Variants in LRCH1 observed in about 807,000 individuals in gnomAD.
LRCH1 encodes the protein leucine rich repeats and calponin homology domain containing 1.
In LRCH1, 23 loss-of-function variants were observed where a neutral mutation model predicts 94.9. The ratio of observed to expected loss-of-function variants is 0.24; its 90% CI spans 0.17 to 0.34. The LOEUF (loss-of-function observed/expected upper bound fraction) is 0.34, where lower values mean the gene tolerates loss of function less well. LRCH1 is among the 10% of genes least tolerant of loss of function. The pLI is 1.00. For missense variants in LRCH1, 790 were observed against 945.9 expected, an observed-to-expected ratio of 0.84 and a Z score of 2.16; for synonymous variants, 364 against 354.9, an observed-to-expected ratio of 1.03 and a Z score of -0.29.
chr13:46,555,790 G>A (rs1363242082), intron 1 of LRCH1, among the ~76,000 whole-genome samples: 1 of 152,208 alleles, frequency 6.6e-6, no homozygotes, highest in Non-Finnish European at 1.5e-5. Context: ...CATGAAATTA[G>A]AATACCCAAA....
rs1490350491 is a variant in LRCH1 at position 46,744,812 on chromosome 13, A to G, written c.*2964A>G. The G allele has an allele frequency of 3.1e-6, 3 of 983,582 alleles. No homozygotes were observed. Among genetic ancestry groups the G allele is most frequent in the Non-Finnish European group, 3.6e-6 (3 of 828,380 alleles). The allele number at this position is 983,582 out of a possible 1,614,324, so 60.9% of individuals were successfully genotyped here. A position where few individuals can be genotyped will look rare whatever the true frequency, so the allele number is the denominator to read the frequency against. ...TGGATTAGGTGAAAAATACTTTAAT[A>G]TGATTTTATTTCAGGAGACTTGATT... On this transcript the variant is annotated 3_prime_UTR_variant, in exon 20 of 20. Transcript: ENST00000389797.
chr13:46,707,716 A>T (rs866094508), intron 13 of LRCH1, among the ~76,000 whole-genome samples: 1 of 152,140 alleles, frequency 6.6e-6, no homozygotes, highest in South Asian at 2.1e-4. Context: ...ATATTCCTGA[A>T]TTTTTTTTAA....
chr13:46,700,933 C>T (rs1031614400), intron 10 of LRCH1, among the ~76,000 whole-genome samples, 188 bp from the exon 11 acceptor site: 3 of 152,216 alleles, frequency 2.0e-5, no homozygotes, highest in African/African-American at 4.8e-5. Context: ...TTCCCCTACT[C>T]GGGCTCTTCC....
At chr13:46,584,026 G>A (rs934514029) in intron 1 of LRCH1, among the ~76,000 whole-genome samples, 7 of 140,318 alleles carry the variant, frequency 5.0e-5, no homozygotes, top group African/African-American at 1.5e-4. Flanking sequence ...ATATTTTCTC[G>A]ATATGTTTTA....
chr13:46,644,240 T>C (rs1375838548), intron 1 of LRCH1, among the ~76,000 whole-genome samples: 2 of 152,214 alleles, frequency 1.3e-5, no homozygotes, highest in African/African-American at 4.8e-5. Context: ...CATGCTTGAA[T>C]TGGTCAATGC....
At chr13:46,749,021 G>A (rs1488268475), downstream of LRCH1, among the ~76,000 whole-genome samples, 3 of 152,126 alleles carry the variant, frequency 2.0e-5, no homozygotes, top group Non-Finnish European at 4.4e-5. Flanking sequence ...CTGTGTCTCC[G>A]GTAATTTTTG....
At chr13:46,613,260 C>T (rs533123164) in intron 1 of LRCH1, among the ~76,000 whole-genome samples, 82 of 152,020 alleles carry the variant, frequency 5.4e-4, no homozygotes, top group African/African-American at 1.9e-3. Flanking sequence ...CGTGGTGGCA[C>T]GTGCCTGTAG....
intron 2 of LRCH1, among the ~76,000 whole-genome samples, chr13:46,664,044 T>C (rs1056427565): frequency 6.6e-6 from 1 of 152,216 alleles, no homozygotes; most frequent in African/African-American, 2.4e-5. Flanking sequence ...TTATATGTTG[T>C]AGTCTTGGTT....
At chr13:46,705,244 T>TG in intron 12 of LRCH1, 24 bp from the exon 13 acceptor site, 2 of 1,602,872 alleles carry the variant, frequency 1.2e-6, no homozygotes, top group South Asian at 1.1e-5. Flanking sequence ...TTGTATCTTT[T>TG]TTTTTCTTTC....
chr13:46,631,659 T>C (rs2051018895), intron 1 of LRCH1, among the ~76,000 whole-genome samples: 1 of 152,090 alleles, frequency 6.6e-6, no homozygotes, highest in Non-Finnish European at 1.5e-5. Flanking sequence ...GTATAGGGAG[T>C]CATGTTTGGA....
intron 11 of LRCH1, among the ~76,000 whole-genome samples, chr13:46,704,820 A>G (rs780965861): frequency 3.9e-5 from 6 of 152,082 alleles, no homozygotes; most frequent in Non-Finnish European, 7.4e-5. Context: ...TGATTTTATT[A>G]GAAATTACTA....
rs2050174081 is a variant in LRCH1 at position 46,565,623 on chromosome 13, C to A, written c.307+11920C>A. On this transcript the variant is annotated intron_variant, in intron 1 of 19. Coordinates refer to ENST00000389797, the MANE Select transcript of LRCH1 (RefSeq NM_001164211.2). Reference sequence around the variant, plus strand: ...GGCCAGGAGTTTGAGACCAGCCTGGCCAATATGGTGAGACCCGTCTCTACT... The same window carrying A: ...GGCCAGGAGTTTGAGACCAGCCTGGACAATATGGTGAGACCCGTCTCTACT... Among the ~76,000 whole-genome samples, 3 of 151,712 alleles carry A rather than the reference C, an allele frequency of 2.0e-5. No individual in the cohort carries two copies. In the South Asian group the frequency reaches 6.3e-4, roughly 32 times the overall value.
At chr13:46,581,508 A>G (rs2050364541) in intron 1 of LRCH1, among the ~76,000 whole-genome samples, 1 of 152,228 alleles carries the variant, frequency 6.6e-6, no homozygotes, top group South Asian at 2.1e-4. Flanking sequence ...TGGACCATGC[A>G]CAGTTCCAAG....
At chr13:46,640,946 C>T (rs1454683974) in intron 1 of LRCH1, among the ~76,000 whole-genome samples, 1 of 152,202 alleles carries the variant, frequency 6.6e-6, no homozygotes, top group East Asian at 1.9e-4. Context: ...GATCTTGACT[C>T]ACTCAAAACT....
intron 1 of LRCH1, among the ~76,000 whole-genome samples, chr13:46,644,164 G>C (rs1293191311): frequency 6.6e-6 from 1 of 152,202 alleles, no homozygotes; most frequent in Non-Finnish European, 1.5e-5. Flanking sequence ...CTTTAGGTTG[G>C]TGGGGCTACT....
intron 1 of LRCH1, among the ~76,000 whole-genome samples, chr13:46,643,295 G>A (rs535683524): frequency 3.9e-5 from 6 of 152,192 alleles, no homozygotes; most frequent in Non-Finnish European, 8.8e-5. Context: ...ATCTGTCATT[G>A]TTAGTGGTGC....
chr13:46,707,122 C>T (rs1021553681), intron 13 of LRCH1, among the ~76,000 whole-genome samples: 2 of 152,098 alleles, frequency 1.3e-5, no homozygotes, highest in African/African-American at 2.4e-5. Flanking sequence ...CATTTTTTTC[C>T]TTTCAGTGTA....
intron 1 of LRCH1, among the ~76,000 whole-genome samples, chr13:46,590,713 A>G (rs1253959997): frequency 1.3e-5 from 2 of 152,164 alleles, no homozygotes; most frequent in Non-Finnish European, 2.9e-5. Context: ...CTTAAATTTG[A>G]TGGGGAAAGG....
intron 1 of LRCH1, among the ~76,000 whole-genome samples, chr13:46,620,213 A>G (rs921918504): frequency 6.6e-6 from 1 of 152,138 alleles, no homozygotes; most frequent in Non-Finnish European, 1.5e-5. Context: ...ATCCTTCTGC[A>G]TACTACCAAT....
Sources: gnomAD v4.1 joint callset for allele counts (sites outside exome capture counted in the v4.1 genomes callset) on GRCh38, gnomAD v4.1.1 for gene constraint, MANE v1.5 for transcripts, NCBI Gene and HGNC (gene_info 2026-07-23, HGNC 2026-07-21) for gene names.